Variants in LRRC3B observed in about 807,000 individuals in gnomAD.
The protein encoded by LRRC3B is leucine rich repeat containing 3B, also known as leucine-rich repeat-containing protein 3B.
Under a neutral mutation model 12.8 loss-of-function variants are expected in LRRC3B, and 2 were observed. The ratio of observed to expected loss-of-function variants is 0.16; its 90% CI spans 0.06 to 0.49. The LOEUF (loss-of-function observed/expected upper bound fraction) is 0.49. Among genes scored for constraint, LRRC3B ranks in the 20% least tolerant of loss-of-function variants. LRRC3B has a pLI of 0.96. For missense variants in LRRC3B, 189 were observed against 319.4 expected (o/e 0.59, Z 3.11); for synonymous variants, 132 against 122.0 (o/e 1.08, Z -0.54).
intron 1 of LRRC3B, among the ~76,000 whole-genome samples, chr3:26,673,905 C>T (rs1054947554): frequency 6.6e-5 from 10 of 152,188 alleles, no homozygotes; most frequent in Admixed American, 1.3e-4. Context: ...TTGTGGACCA[C>T]ATTGGAAAGC....
At chr3:26,678,686 T>G (rs183889361) in intron 1 of LRRC3B, among the ~76,000 whole-genome samples, 1 of 152,074 alleles carries the variant, frequency 6.6e-6, no homozygotes, top group Middle Eastern at 3.2e-3. Context: ...AGCACCACAA[T>G]AGGAGGATAT....
intron 1 of LRRC3B, among the ~76,000 whole-genome samples, chr3:26,678,569 G>A (rs1388740512): frequency 1.3e-5 from 2 of 151,938 alleles, no homozygotes; most frequent in South Asian, 4.1e-4. Context: ...TGCATCCTGA[G>A]TAGCATCTAT....
chr3:26,689,469 G>C (rs1700148211), intron 1 of LRRC3B, among the ~76,000 whole-genome samples: 1 of 152,194 alleles, frequency 6.6e-6, no homozygotes. Flanking sequence ...CCGGAGAACA[G>C]AGGTGTCATC....
intron 1 of LRRC3B, among the ~76,000 whole-genome samples, chr3:26,670,745 A>G (rs906810145): frequency 6.6e-6 from 1 of 152,198 alleles, no homozygotes; most frequent in Non-Finnish European, 1.5e-5. Context: ...TTCCCCAAGT[A>G]TAATATAGAG....
At chr3:26,690,427 T>C (rs915477938) in intron 1 of LRRC3B, among the ~76,000 whole-genome samples, 1 of 152,196 alleles carries the variant, frequency 6.6e-6, no homozygotes, top group Non-Finnish European at 1.5e-5. Flanking sequence ...AATCTGGTTT[T>C]ATTTAAATGG....
At chr3:26,705,910 A>T (rs1283636728) in intron 1 of LRRC3B, among the ~76,000 whole-genome samples, 2 of 152,174 alleles carry the variant, frequency 1.3e-5, no homozygotes, top group Non-Finnish European at 2.9e-5. Context: ...AGTGGAGAGC[A>T]GCTCTTCCAT....
At chr3:26,673,259 G>T (rs1208728088) in intron 1 of LRRC3B, among the ~76,000 whole-genome samples, 1 of 151,996 alleles carries the variant, frequency 6.6e-6, no homozygotes, top group Non-Finnish European at 1.5e-5. Context: ...AATTCATACA[G>T]TCTTTTATTT....
chr3:26,682,936 T>C (rs2069616945), intron 1 of LRRC3B, among the ~76,000 whole-genome samples: 1 of 152,238 alleles, frequency 6.6e-6, no homozygotes, highest in African/African-American at 2.4e-5. Flanking sequence ...ATACCCTGTG[T>C]TTCTCTCACA....
At chr3:26,677,636 C>T (rs543152910) in intron 1 of LRRC3B, among the ~76,000 whole-genome samples, 1 of 152,322 alleles carries the variant, frequency 6.6e-6, no homozygotes, top group African/African-American at 2.4e-5. Context: ...CATGTTAGGA[C>T]AATAATGCCA....
At chr3:26,685,513 CTCTCTCTCTCTA>C (rs1316695301) in intron 1 of LRRC3B, among the ~76,000 whole-genome samples, 10 of 53,290 alleles carry the variant, frequency 1.9e-4, no homozygotes, top group South Asian at 1.6e-3. Flanking sequence ...CTCTCTCTCT[CTCTCTCTCTCTA>C]TATATATATA....
At chr3:26,629,971 CAAAA>C (rs35195778) in intron 1 of LRRC3B, among the ~76,000 whole-genome samples, 938 of 93,384 alleles carry the variant, frequency 0.01, 6 homozygotes, top group East Asian at 0.035. Flanking sequence ...AGAAGCATGG[CAAAA>C]AAAAAAAAAA....
chr3:26,638,641 GCCATAGTTCAA>G (rs1383452510), intron 1 of LRRC3B, among the ~76,000 whole-genome samples: 30 of 152,072 alleles, frequency 2.0e-4, no homozygotes, highest in African/African-American at 6.0e-4. Flanking sequence ...TAACAAACAT[GCCATAGTTCAA>G]CCTAAAGTTT....
intron 1 of LRRC3B, among the ~76,000 whole-genome samples, chr3:26,657,922 C>A (rs905535729): frequency 6.6e-6 from 1 of 152,086 alleles, no homozygotes; most frequent in African/African-American, 2.4e-5. Context: ...TAAGTAAATA[C>A]CAAGAGATAT....
At chr3:26,687,548 G>A (rs887585213) in intron 1 of LRRC3B, among the ~76,000 whole-genome samples, 1 of 152,096 alleles carries the variant, frequency 6.6e-6, no homozygotes, top group Non-Finnish European at 1.5e-5. Flanking sequence ...ACTGTTAGAG[G>A]GAGCTACCCC....
intron 1 of LRRC3B, among the ~76,000 whole-genome samples, chr3:26,708,819 G>A (rs549633007): frequency 1.3e-5 from 2 of 152,268 alleles, no homozygotes; most frequent in South Asian, 4.1e-4. Context: ...CCATATTTAA[G>A]CATTTATTGG....
intron 1 of LRRC3B, among the ~76,000 whole-genome samples, chr3:26,666,750 C>G (rs991481053): frequency 1.3e-5 from 2 of 152,104 alleles, no homozygotes; most frequent in Non-Finnish European, 2.9e-5. Context: ...AGTTTTCCCA[C>G]TAATGTGCTT....
intron 1 of LRRC3B, among the ~76,000 whole-genome samples, chr3:26,688,012 C>T (rs1041258868): frequency 2.0e-5 from 3 of 152,166 alleles, no homozygotes; most frequent in Non-Finnish European, 2.9e-5. Context: ...ATAAAGACAC[C>T]TCATTGAAGC....
chr3:26,664,878 C>A (rs2125425850), intron 1 of LRRC3B, among the ~76,000 whole-genome samples: 1 of 151,716 alleles, frequency 6.6e-6, no homozygotes, highest in East Asian at 1.9e-4. Context: ...GAGCATGTAT[C>A]AGAATTACTA....
chr3:26,698,660 C>T (rs564011457), intron 1 of LRRC3B, among the ~76,000 whole-genome samples: 7 of 152,136 alleles, frequency 4.6e-5, no homozygotes, highest in African/African-American at 1.7e-4. Context: ...CACATATATC[C>T]ATCACCATCC....
Sources: gnomAD v4.1 joint callset for allele counts (sites outside exome capture counted in the v4.1 genomes callset) on GRCh38, gnomAD v4.1.1 for gene constraint, MANE v1.5 for transcripts, NCBI Gene and HGNC (gene_info 2026-07-23, HGNC 2026-07-21) for gene names.